The following PLXNA4 variants were observed in gnomAD, a reference collection of about 807,000 sequenced individuals.
The protein encoded by PLXNA4 is plexin-A4.
A neutral mutation model predicts 191.8 loss-of-function variants in PLXNA4; 44 were observed. The ratio of observed to expected loss-of-function variants is 0.23; its 90% CI spans 0.18 to 0.29. PLXNA4 has a LOEUF of 0.29. Among genes scored for constraint, PLXNA4 ranks in the 10% least tolerant of loss-of-function variants. The probability of loss-of-function intolerance (pLI) is 1.00; values close to 1 mark genes in which losing one functional copy is unlikely to be tolerated. For missense variants in PLXNA4, 1,800 were observed against 2,488.8 expected (o/e 0.72, Z 5.89); for synonymous variants, 1,082 against 1,009.5 (o/e 1.07, Z -1.36).
At chr7:132,202,962 C>T (rs1365206908) in intron 11 of PLXNA4, 126 bp from the exon 12 acceptor site, 2 of 1,003,648 alleles carry the variant, frequency 2.0e-6, no homozygotes. Flanking sequence ...GTTTTGCCCC[C>T]TTAGCCATTC....
intron 25 of PLXNA4, among the ~76,000 whole-genome samples, chr7:132,155,492 G>A (rs1795764465): frequency 6.6e-6 from 1 of 152,236 alleles, no homozygotes; most frequent in African/African-American, 2.4e-5. Context: ...GCCTGGCACA[G>A]AGCTGGCCAC....
At chr7:132,299,560 C>G (rs958237307) in intron 3 of PLXNA4, among the ~76,000 whole-genome samples, 1 of 152,132 alleles carries the variant, frequency 6.6e-6, no homozygotes, top group Admixed American at 6.5e-5. Context: ...TCCTTTTAAG[C>G]ATTATTTTCA....
chr7:132,161,772 C>T (rs1795958031), intron 24 of PLXNA4, among the ~76,000 whole-genome samples: 1 of 151,962 alleles, frequency 6.6e-6, no homozygotes, highest in African/African-American at 2.4e-5. Flanking sequence ...GGCAAGCTCC[C>T]AGGTGGGCAT....
intron 3 of PLXNA4, among the ~76,000 whole-genome samples, chr7:132,443,651 C>CT (rs1218251968): frequency 6.6e-6 from 1 of 152,136 alleles, no homozygotes; most frequent in Non-Finnish European, 1.5e-5. Flanking sequence ...CTTGGTCTTC[C>CT]TTTAGACACT....
At chr7:132,352,014 A>C (rs1474806252) in intron 3 of PLXNA4, among the ~76,000 whole-genome samples, 2 of 152,210 alleles carry the variant, frequency 1.3e-5, no homozygotes, top group Non-Finnish European at 2.9e-5. Context: ...AAGGCTTATT[A>C]GACTATATTA....
chr7:132,408,376 T>C (rs1794309009), intron 3 of PLXNA4, among the ~76,000 whole-genome samples: 3 of 152,150 alleles, frequency 2.0e-5, no homozygotes, highest in Admixed American at 6.5e-5. Flanking sequence ...TTTTTACATT[T>C]CTTATAGATT....
At chr7:132,463,844 A>C (rs553495711) in intron 3 of PLXNA4, among the ~76,000 whole-genome samples, 31 of 152,292 alleles carry the variant, frequency 2.0e-4, no homozygotes, top group Admixed American at 1.3e-4. Context: ...TCAGTGGATA[A>C]AACAGAACTA....
intron 2 of PLXNA4, among the ~76,000 whole-genome samples, chr7:132,504,234 C>T (rs995564689): frequency 9.8e-5 from 15 of 152,342 alleles, no homozygotes; most frequent in South Asian, 6.2e-4. Flanking sequence ...TCCCTCTGTG[C>T]GGTCCTCAGG....
intron 3 of PLXNA4, among the ~76,000 whole-genome samples, chr7:132,363,590 A>G (rs1204619549): frequency 5.3e-5 from 8 of 152,304 alleles, no homozygotes; most frequent in African/African-American, 1.4e-4. Context: ...TTATCCATTC[A>G]TCTGTTGATG....
intron 3 of PLXNA4, among the ~76,000 whole-genome samples, chr7:132,317,243 T>A (rs981775094): frequency 6.6e-6 from 1 of 151,580 alleles, no homozygotes; most frequent in African/African-American, 2.4e-5. Flanking sequence ...TCATGTTAGA[T>A]TGGACTGGGT....
At chr7:132,602,791 T>C (rs1477476128) in intron 2 of PLXNA4, among the ~76,000 whole-genome samples, 1 of 152,158 alleles carries the variant, frequency 6.6e-6, no homozygotes, top group Non-Finnish European at 1.5e-5. Flanking sequence ...GACACAGACA[T>C]GGTGAGAAGG....
chr7:132,599,997 T>G (rs1196532955), intron 2 of PLXNA4, among the ~76,000 whole-genome samples: 1 of 152,218 alleles, frequency 6.6e-6, no homozygotes, highest in Non-Finnish European at 1.5e-5. Flanking sequence ...ATTTTTCTTT[T>G]GTTAAACCAT....
At chr7:132,641,418 G>A (rs60955854) in intron 2 of PLXNA4, among the ~76,000 whole-genome samples, 1,671 of 152,174 alleles carry the variant, frequency 0.011, 34 homozygotes, top group African/African-American at 0.037. Context: ...CATCCCTTGT[G>A]TCTCTTGTTG....
rs368170087 is a variant in PLXNA4, at chr7:132,648,238, CCTT to C, written c.-203+273_-203+275del. Among the ~76,000 whole-genome samples, 177 of 152,210 alleles carry C rather than the reference CCTT, an allele frequency of 1.2e-3. 3 individuals are homozygous for C. The highest frequency in any genetic ancestry group is 6.8e-3 in the Middle Eastern group (2 of 294). On this transcript the variant is annotated intron_variant, in intron 1 of 4. Transcript: ENST00000378539. ...TTACACACTCACACATCGTGTATGT[CCTT>C]CTAAGCACAGAAACGCTTTCCATTT...
chr7:132,244,859 T>C (rs1427912132), intron 4 of PLXNA4, among the ~76,000 whole-genome samples: 2 of 152,224 alleles, frequency 1.3e-5, no homozygotes, highest in Non-Finnish European at 2.9e-5. Context: ...CCATTTAGCT[T>C]AGTATAAATG....
intron 3 of PLXNA4, among the ~76,000 whole-genome samples, chr7:132,460,385 A>C (rs75093617): frequency 6.8e-6 from 1 of 146,416 alleles, no homozygotes; most frequent in Non-Finnish European, 1.5e-5. Context: ...AAAAAAAAAA[A>C]CCTCAAATTG....
chr7:132,225,618 C>CCA (rs1554395266), intron 8 of PLXNA4, among the ~76,000 whole-genome samples: 3 of 151,152 alleles, frequency 2.0e-5, no homozygotes, highest in Admixed American at 6.8e-5. Flanking sequence ...CAGAGTCCGC[C>CCA]CCCCCCCACA....
At chr7:132,147,033 G>A (rs572731957) in intron 27 of PLXNA4, among the ~76,000 whole-genome samples, 17 of 152,260 alleles carry the variant, frequency 1.1e-4, no homozygotes, top group South Asian at 4.2e-4. Flanking sequence ...CTCAAGTCAC[G>A]TCTCAGGATG....
chr7:132,491,330 T>G (rs1797789293), intron 2 of PLXNA4, among the ~76,000 whole-genome samples: 1 of 152,174 alleles, frequency 6.6e-6, no homozygotes, highest in South Asian at 2.1e-4. Flanking sequence ...AGGGAGTGTG[T>G]GAAACCAGGC....
Sources: allele counts gnomAD v4.1 joint callset (sites outside exome capture counted in the v4.1 genomes callset), GRCh38; gene constraint gnomAD v4.1.1; transcripts MANE v1.5; gene names NCBI Gene and HGNC (gene_info 2026-07-23, HGNC 2026-07-21).